The following RPL35A variants were observed in gnomAD, a reference collection of about 807,000 sequenced individuals.
RPL35A encodes large ribosomal subunit protein eL33.
Under a neutral mutation model 16.7 loss-of-function variants are expected in RPL35A, and 1 was observed. The observed-to-expected ratio is 0.06, with a 90% CI of 0.02 to 0.28. The LOEUF (loss-of-function observed/expected upper bound fraction) is 0.28, where lower values mean the gene tolerates loss of function less well. Among genes scored for constraint, RPL35A ranks in the 10% least tolerant of loss-of-function variants. The pLI is 1.00. For synonymous variants in RPL35A, 58 were observed against 47.0 expected (o/e 1.23, Z -0.96); for missense variants, 91 against 138.7 (o/e 0.66, Z 1.73).
chr3:197,951,397 A>G (rs997007160), intron 3 of RPL35A, 86 bp downstream of exon 3: 125 of 1,442,552 alleles, frequency 8.7e-5, no homozygotes, highest in Middle Eastern at 1.7e-4. Context: ...TCTGTTGCCG[A>G]GGCTGGAATG....
chr3:197,953,935 G>C, intron 3 of RPL35A, 68 bp from the exon 4 acceptor site: 1 of 1,554,150 alleles, frequency 6.4e-7, no homozygotes, highest in East Asian at 2.2e-5. Flanking sequence ...CACTCGTGTA[G>C]AGGTCACCTT....
rs1057366835 is a variant in RPL35A at position 197,951,045 on chromosome 3, T to C, written c.11+67T>C. On this transcript the variant is annotated intron_variant, in intron 2 of 4. Coordinates refer to ENST00000647248, the MANE Select transcript of RPL35A (RefSeq NM_000996.4). ...CGTGAACGTAAATGCGAGCTTAAAATTGGCAAGAAAAAACTTAGATGTTTG... is the reference window on the plus strand; with the variant it reads ...CGTGAACGTAAATGCGAGCTTAAAACTGGCAAGAAAAAACTTAGATGTTTG... The C allele has an allele frequency of 9.3e-6, 15 of 1,605,426 alleles. No homozygotes were observed. In the African/African-American group the frequency reaches 9.4e-5, roughly 10 times the overall value.
intron 4 of RPL35A, chr3:197,954,546 G>A: frequency 3.1e-6 from 1 of 322,082 alleles, no homozygotes; most frequent in Non-Finnish European, 6.0e-6. Flanking sequence ...GTCTCACTTT[G>A]TCACGCAGGC....
rs758372835 is a variant in RPL35A, at chr3:197,955,859, G to C, written c.*86G>C. The stretch of plus-strand genomic sequence containing the variant: ...AAAACTTACTACCTTAAATTGATTT[G>C]CTACATGCTTAAAATGATAGAGGTT... On this transcript the variant is annotated 3_prime_UTR_variant, in exon 5 of 5. Transcript: ENST00000647248. 33 of 1,117,084 alleles carry C rather than the reference G, an allele frequency of 3.0e-5. No homozygotes were observed. The highest frequency in any genetic ancestry group is 4.5e-5 in the Non-Finnish European group (33 of 732,852). The allele number at this position is 1,117,084 out of a possible 1,614,324, so 69.2% of individuals were successfully genotyped here. A position where few individuals can be genotyped will look rare whatever the true frequency, so the allele number is the denominator to read the frequency against.
In RPL35A at chr3:197,950,690, T is replaced by G. The variant is rs1015952672; in HGVS notation, c.-32-246T>G. ...TTTTCTCAGGCTTTTCTGAGAGTCA[T>G]TTTTGTGACTCCTGTCCCTTAGTTT... On this transcript the variant is annotated intron_variant, in intron 1 of 4. Coordinates refer to ENST00000647248, the MANE Select transcript of RPL35A (RefSeq NM_000996.4). 3.0e-5 allele frequency: 16 copies of G among 537,130 alleles called. No homozygotes were observed. The East Asian group carries it at 4.6e-4, about 16-fold the overall frequency. The allele number at this position is 537,130 out of a possible 1,614,324, so 33.3% of individuals were successfully genotyped here.
Position 197,955,723 on chromosome 3 carries a change from ATGTTTTG to A in RPL35A, c.310-22_310-16del, listed in dbSNP as rs1720477559. 2 of 1,578,334 alleles carry A rather than the reference ATGTTTTG, an allele frequency of 1.3e-6. No individual in the cohort carries two copies. The highest frequency in any genetic ancestry group is 2.7e-5 in the African/African-American group (2 of 74,176). On this transcript the variant is annotated intron_variant, in intron 4 of 4. Coordinates refer to ENST00000647248, the MANE Select transcript of RPL35A (RefSeq NM_000996.4). ...TAGACGTATATATAACATTCACCTA[ATGTTTTG>A]TGTTCTTTTTTCCCTGCAGATGCTG...
intron 3 of RPL35A, 164 bp downstream of exon 3, chr3:197,951,475 C>G (rs571202457): frequency 1.0e-4 from 76 of 724,830 alleles, no homozygotes; most frequent in Non-Finnish European, 1.6e-4. Flanking sequence ...GTCTCAGCCT[C>G]CCGAGTAGCT....
intron 3 of RPL35A, among the ~76,000 whole-genome samples, chr3:197,953,034 C>T (rs1050499229): frequency 2.6e-5 from 4 of 151,116 alleles, no homozygotes; most frequent in African/African-American, 7.3e-5. Context: ...CTCCTGACCT[C>T]GTGATCCACC....
In RPL35A at chr3:197,951,187, T is replaced by G; in HGVS notation, c.40T>G (p.Tyr14Asp). Residue 14 changes from tyrosine to aspartate, a missense_variant, in exon 3 of 5, where the codon TAT becomes GAT. By Grantham distance (160) the Tyr-to-Asp change is radical. Coordinates refer to ENST00000647248, the MANE Select transcript of RPL35A (RefSeq NM_000996.4). The part of the protein sequence containing the change: ...RLWSKAIFAG[Y>D]KRGLRNQREH... ...GTGGTCCAAGGCCATTTTTGCTGGCTATAAGCGGGGTCTCCGGAACCAAAG... is the reference window on the plus strand; with the variant it reads ...GTGGTCCAAGGCCATTTTTGCTGGCGATAAGCGGGGTCTCCGGAACCAAAG... 1 of 1,614,238 alleles carries G rather than the reference T, an allele frequency of 6.2e-7. No individual in the cohort carries two copies. The highest frequency in any genetic ancestry group is 8.5e-7 in the Non-Finnish European group (1 of 1,180,054).
At chr3:197,954,303 T>C (rs1197822039) in intron 4 of RPL35A, 156 bp downstream of exon 4, 2 of 769,906 alleles carry the variant, frequency 2.6e-6, no homozygotes, top group Non-Finnish European at 4.5e-6. Flanking sequence ...AGATAGTAAT[T>C]GAAAGAATTA....
chr3:197,955,228 G>A (rs1720435418), intron 4 of RPL35A, among the ~76,000 whole-genome samples: 1 of 151,892 alleles, frequency 6.6e-6, no homozygotes, highest in Non-Finnish European at 1.5e-5. Flanking sequence ...TCTGTCTTTA[G>A]AAGAAGCAAA....
At chr3:197,950,782 T>G in intron 1 of RPL35A, 154 bp from the exon 2 acceptor site, 1 of 663,262 alleles carries the variant, frequency 1.5e-6, no homozygotes. Context: ...TGCCGGACCC[T>G]GCGTTTCATA....
At chr3:197,950,599 A>T in intron 1 of RPL35A, 1 of 381,870 alleles carries the variant, frequency 2.6e-6, no homozygotes, top group African/African-American at 2.0e-5. Context: ...TAAAAGTCTT[A>T]CGTGTGTGTT....
chr3:197,953,828 G>T, intron 3 of RPL35A, 175 bp from the exon 4 acceptor site: 1 of 677,540 alleles, frequency 1.5e-6, no homozygotes, highest in Non-Finnish European at 2.7e-6. Flanking sequence ...GAAGGGCCTG[G>T]CATACAATAG....
chr3:197,952,204 CTG>C (rs1560121461), intron 3 of RPL35A, among the ~76,000 whole-genome samples: 1 of 114,216 alleles, frequency 8.8e-6, no homozygotes, highest in Non-Finnish European at 1.6e-5. Context: ...CGGAGTCTCA[CTG>C]TCACCTAGGC....
intron 3 of RPL35A, chr3:197,953,559 C>T (rs780678367): frequency 8.5e-5 from 39 of 457,230 alleles, no homozygotes; most frequent in Non-Finnish European, 1.6e-4. Context: ...CCAGTGCCTG[C>T]GCTAGTCATC....
At chr3:197,951,722 G>A in intron 3 of RPL35A, 1 of 215,322 alleles carries the variant, frequency 4.6e-6, no homozygotes, top group South Asian at 6.1e-5. Context: ...TTGTTTTTGT[G>A]ACAAGAGTCT....
intron 3 of RPL35A, chr3:197,953,389 A>C (rs779880133): frequency 2.2e-6 from 1 of 456,052 alleles, no homozygotes; most frequent in African/African-American, 2.0e-5. Context: ...AAGGAAATAT[A>C]TATAAAGTCA....
intron 3 of RPL35A, among the ~76,000 whole-genome samples, chr3:197,951,855 G>A (rs1184163927): frequency 6.6e-6 from 1 of 151,894 alleles, no homozygotes; most frequent in Non-Finnish European, 1.5e-5. Flanking sequence ...GTGCCACCAC[G>A]CCCGGCTAAT....
Sources: allele counts gnomAD v4.1 joint callset (sites outside exome capture counted in the v4.1 genomes callset), GRCh38; gene constraint gnomAD v4.1.1; transcripts MANE v1.5; gene names NCBI Gene and HGNC (gene_info 2026-07-23, HGNC 2026-07-21).